The following ZNF334 variants were observed in gnomAD, a reference collection of about 807,000 sequenced individuals.
ZNF334 encodes the protein zinc finger protein 334.
In ZNF334, 14 loss-of-function variants were observed where a neutral mutation model predicts 12.4. That is an observed-to-expected ratio of 1.13 (90% CI 0.74 to 1.76). ZNF334 has a LOEUF of 1.76. ZNF334 is among the 40% of genes most tolerant of loss of function. The pLI, the probability that ZNF334 is intolerant of heterozygous loss-of-function variation, is 0.00. For synonymous variants in ZNF334, 273 were observed against 269.6 expected, an observed-to-expected ratio of 1.01 and a Z score of -0.12; for missense variants, 797 against 804.5, an observed-to-expected ratio of 0.99 and a Z score of 0.11.
rs967362942 is a variant in ZNF334 at position 46,509,908 on chromosome 20, C to T, written c.21+2174G>A. Among the ~76,000 whole-genome samples the T allele has an allele frequency of 3.9e-5, 6 of 152,210 alleles. 1 individual carries two copies. In the Middle Eastern group the frequency reaches 0.016, roughly 401 times the overall value. ...GGCAGAGTTGAGAACCACCTCAGCACAGTTTGAATTGCTTGTGTAATATCT... is the reference window on the plus strand; with the variant it reads ...GGCAGAGTTGAGAACCACCTCAGCATAGTTTGAATTGCTTGTGTAATATCT... On this transcript the variant is annotated intron_variant, in intron 2 of 4. Coordinates refer to ENST00000692313, the MANE Select transcript of ZNF334 (RefSeq NM_001353824.2).
In ZNF334 at chr20:46,501,214, C is replaced by T; in HGVS notation, c.*82G>A. On this transcript the variant is annotated 3_prime_UTR_variant, in exon 5 of 5. Coordinates refer to ENST00000692313, the MANE Select transcript of ZNF334 (RefSeq NM_001353824.2). Reference sequence around the variant, plus strand: ...TATTCATTACATTTATAAGATTTTACTCCTCTATACATACTCACAGTTTAG... The same window carrying T: ...TATTCATTACATTTATAAGATTTTATTCCTCTATACATACTCACAGTTTAG... The T allele has an allele frequency of 2.0e-6, 3 of 1,477,348 alleles. No individual in the cohort carries two copies. Among genetic ancestry groups the T allele is most frequent in the Non-Finnish European group, 2.7e-6 (3 of 1,111,016 alleles). The allele number at this position is 1,477,348 out of a possible 1,614,324, so 91.5% of individuals were successfully genotyped here.
chr20:46,489,326 T>C, the ZNF334 span, among the ~76,000 whole-genome samples: 45 of 152,314 alleles, frequency 3.0e-4, no homozygotes, highest in East Asian at 7.9e-3. Context: ...TGCTATTTCA[T>C]CTTTGGCTAT....
chr20:46,476,050 C>T, the ZNF334 span, among the ~76,000 whole-genome samples: 1 of 152,292 alleles, frequency 6.6e-6, no homozygotes, highest in South Asian at 2.1e-4. Context: ...ATCCATACCA[C>T]GGAATACTAT....
At position 46,502,456 on chromosome 20, in the gene ZNF334, A is replaced by G; in HGVS notation, c.883T>C (p.Cys295Arg). ...ATGAAGGTTTTCCTGCATTCACTGCATTCATAGGGTCTCTCTCCAGTATGA... is the reference window on the plus strand; with the variant it reads ...ATGAAGGTTTTCCTGCATTCACTGCGTTCATAGGGTCTCTCTCCAGTATGA... ...RIHTGERPYECSECRKTFIDK... is the reference protein window; with the variant it reads ...RIHTGERPYERSECRKTFIDK... Residue 295 changes from cysteine (C) to arginine (R), a missense_variant, in exon 5 of 5, where the codon TGC becomes CGC. Transcript: ENST00000692313. 6.2e-7 allele frequency: 1 copy of G among 1,614,112 alleles called. No individual in the cohort carries two copies. Among genetic ancestry groups the G allele is most frequent in the Non-Finnish European group, 8.5e-7 (1 of 1,179,978 alleles).
At chr20:46,476,746 G>A in the ZNF334 span, among the ~76,000 whole-genome samples, 2 of 152,140 alleles carry the variant, frequency 1.3e-5, no homozygotes, top group African/African-American at 2.4e-5. Context: ...AAGGTTAGGC[G>A]ACTATCCAAG....
At chr20:46,506,602 G>C in intron 2 of ZNF334, 1 of 356,852 alleles carries the variant, frequency 2.8e-6, no homozygotes, top group South Asian at 1.5e-4. Flanking sequence ...CTGGGTGACA[G>C]TGCAAGACCT....
downstream of ZNF334, among the ~76,000 whole-genome samples, chr20:46,499,285 G>A (rs1271521853): frequency 2.0e-5 from 3 of 150,950 alleles, no homozygotes; most frequent in African/African-American, 7.3e-5. Flanking sequence ...CTTCAGAAGA[G>A]AGTATAGCCC....
the ZNF334 span, among the ~76,000 whole-genome samples, chr20:46,478,539 A>G: frequency 3.3e-5 from 5 of 152,220 alleles, no homozygotes; most frequent in Admixed American, 2.6e-4. Context: ...AATTATTCTT[A>G]TCAGACTTAG....
the ZNF334 span, among the ~76,000 whole-genome samples, chr20:46,481,731 T>A: frequency 6.6e-6 from 1 of 152,144 alleles, no homozygotes. Flanking sequence ...CCTGACAGAC[T>A]TAAAATCCAA....
chr20:46,493,398 G>A, the ZNF334 span, among the ~76,000 whole-genome samples: 1 of 152,224 alleles, frequency 6.6e-6, no homozygotes, highest in South Asian at 2.1e-4. Context: ...GCAAAAAGCT[G>A]ATCATGGATC....
the ZNF334 span, among the ~76,000 whole-genome samples, chr20:46,486,559 G>A: frequency 6.6e-6 from 1 of 151,972 alleles, no homozygotes; most frequent in Admixed American, 6.6e-5. Context: ...ATATCTACAT[G>A]TCTTTTTAGT....
In ZNF334 at chr20:46,501,815, C is replaced by T. The variant is rs76102746; in HGVS notation, c.1524G>A (p.Lys508=). 13,784 of 1,614,136 alleles carry T rather than the reference C, an allele frequency of 8.5e-3. 82 individuals are homozygous for T. Among genetic ancestry groups the T allele is most frequent in the Non-Finnish European group, 0.011 (12,463 of 1,180,004 alleles). ...SIVKSNCSQC[K]RMNTKENLYE... ...AAAGATTCTCCTTTGTGTTCATTCT[C>T]TTACACTGACTGCAGTTTGACTTCA... Residue 508 remains lysine, a synonymous_variant, in exon 5 of 5, where the codon AAG becomes AAA. Coordinates refer to ENST00000692313, the MANE Select transcript of ZNF334 (RefSeq NM_001353824.2).
At chr20:46,475,356 AG>A in the ZNF334 span, among the ~76,000 whole-genome samples, 1 of 152,192 alleles carries the variant, frequency 6.6e-6, no homozygotes, top group Admixed American at 6.5e-5. Flanking sequence ...TAAAACTTTT[AG>A]GAAAAAATAA....
chr20:46,485,287 A>C, the ZNF334 span, among the ~76,000 whole-genome samples: 2,901 of 152,280 alleles, frequency 0.019, 104 homozygotes, highest in African/African-American at 0.065. Context: ...TTCTAGTCTT[A>C]GGACAGTAAA....
the ZNF334 span, among the ~76,000 whole-genome samples, chr20:46,470,399 A>G: frequency 2.0e-5 from 3 of 152,146 alleles, no homozygotes; most frequent in Non-Finnish European, 2.9e-5. Flanking sequence ...CCAAATTGCT[A>G]GTGATTTCAG....
At position 46,501,443 on chromosome 20, in the gene ZNF334, T is replaced by C. The variant is rs373325461; in HGVS notation, c.1896A>G (p.Gln632=). ...ACAGGCGACGGTAGGTTTTCCCACA[T>C]TGATTACATTCATATGGTTTCTCTC... The part of the protein sequence containing the change: ...HTGEKPYECN[Q]CGKTYRRLWT... The change falls in exon 5 of 5, where the codon CAA becomes CAG. Residue 632 remains glutamine, a synonymous_variant. Coordinates refer to ENST00000692313, the MANE Select transcript of ZNF334 (RefSeq NM_001353824.2). The C allele has an allele frequency of 9.9e-5, 160 of 1,614,030 alleles. No homozygotes were observed. Among genetic ancestry groups the C allele is most frequent in the African/African-American group, 3.5e-4 (26 of 74,942 alleles).
At chr20:46,479,564 T>C in the ZNF334 span, among the ~76,000 whole-genome samples, 1 of 152,180 alleles carries the variant, frequency 6.6e-6, no homozygotes, top group African/African-American at 2.4e-5. Flanking sequence ...TAGTGTAGCA[T>C]CACATGACAG....
the ZNF334 span, among the ~76,000 whole-genome samples, chr20:46,465,969 G>C: frequency 6.6e-6 from 1 of 151,708 alleles, no homozygotes; most frequent in African/African-American, 2.4e-5. Flanking sequence ...AAAAAAATTA[G>C]AATATGAAAA....
the ZNF334 span, chr20:46,463,898 G>A: frequency 2.1e-6 from 1 of 480,846 alleles, no homozygotes; most frequent in South Asian, 1.6e-5. Flanking sequence ...GGTGGCTACT[G>A]AGCCAAGTCA....
Sources: gnomAD v4.1 joint callset for allele counts (sites outside exome capture counted in the v4.1 genomes callset) on GRCh38, gnomAD v4.1.1 for gene constraint, MANE v1.5 for transcripts, NCBI Gene and HGNC (gene_info 2026-07-23, HGNC 2026-07-21) for gene names.